ARNT: variants seen among roughly 807,000 people sequenced by gnomAD.
ARNT encodes class E basic helix-loop-helix protein 2.
Under a neutral mutation model 105.0 loss-of-function variants are expected in ARNT, and 30 were observed. That is an observed-to-expected ratio of 0.29 (90% CI 0.21 to 0.39). ARNT has a LOEUF of 0.39. Among genes scored for constraint, ARNT ranks in the 10% least tolerant of loss-of-function variants. The pLI is 1.00. For synonymous variants in ARNT, 304 were observed against 344.0 expected (o/e 0.88, Z 1.29); for missense variants, 748 against 978.7 (o/e 0.76, Z 3.15).
intron 1 of ARNT, among the ~76,000 whole-genome samples, chr1:150,871,294 G>T (rs1349024123): frequency 2.1e-5 from 2 of 94,622 alleles, no homozygotes; most frequent in Non-Finnish European, 4.1e-5. Context: ...GGCAGTCGTG[G>T]TTTTTTTTTT....
intron 1 of ARNT, among the ~76,000 whole-genome samples, chr1:150,860,481 G>T (rs587629750): frequency 6.6e-6 from 1 of 151,178 alleles, no homozygotes; most frequent in South Asian, 2.1e-4. Flanking sequence ...CTCCCAAAAT[G>T]CTAGGATTAC....
intron 8 of ARNT, 121 bp from the exon 9 acceptor site, chr1:150,832,520 A>C (rs1659529674): frequency 1.1e-6 from 1 of 901,914 alleles, no homozygotes. Context: ...TAATGCTACT[A>C]ATAATGAAGG....
chr1:150,826,750 T>C, intron 12 of ARNT, 133 bp from the exon 13 acceptor site: 1 of 576,670 alleles, frequency 1.7e-6, no homozygotes, highest in Non-Finnish European at 3.1e-6. Flanking sequence ...GTTCAAGCAA[T>C]TTTCCTGTCT....
rs777963072 is a variant in ARNT at position 150,814,126 on chromosome 1, C to T, written c.2064G>A (p.Ser688=). 25 of 1,614,090 alleles carry T rather than the reference C, an allele frequency of 1.5e-5. No individual in the cohort carries two copies. Among genetic ancestry groups the T allele is most frequent in the African/African-American group, 4.0e-5 (3 of 75,002 alleles). The change falls in exon 20 of 22, where the codon TCG becomes TCA. Residue 688 remains serine (S), a synonymous_variant. Transcript: ENST00000358595. Reference sequence around the variant, plus strand: ...GACTAGGGTAGGCAGCAGCACCAGGCGATGCAGTTGGGGCACCAGGGAGGG... The same window carrying T: ...GACTAGGGTAGGCAGCAGCACCAGGTGATGCAGTTGGGGCACCAGGGAGGG... ...SMSLPGAPTA[S]PGAAAYPSLT...
Position 150,814,142 on chromosome 1 carries a change from C to A in ARNT, c.2048G>T (p.Gly683Val). The A allele has an allele frequency of 6.2e-7, 1 of 1,614,070 alleles. No individual in the cohort carries two copies. The highest frequency in any genetic ancestry group is 1.3e-5 in the African/African-American group (1 of 74,986). ...PSSFSSMSLP[G>V]APTASPGAAA... ...AGCACCAGGCGATGCAGTTGGGGCA[C>A]CAGGGAGGGACATGGAGCTGAAGGA... is the stretch of plus-strand genomic sequence containing the variant. The change falls in exon 20 of 22, where the codon GGT (glycine) becomes GTT (valine). Residue 683 changes from glycine (G) to valine (V), a missense_variant. Gly to Val is a moderately radical substitution (Grantham distance 109). Coordinates refer to ENST00000358595, the MANE Select transcript of ARNT (RefSeq NM_001668.4).
intron 1 of ARNT, among the ~76,000 whole-genome samples, chr1:150,863,988 TACAC>T (rs1666109536): frequency 6.6e-6 from 1 of 152,106 alleles, no homozygotes; most frequent in Non-Finnish European, 1.5e-5. Flanking sequence ...TGAGTATACT[TACAC>T]AAATCTAGAT....
chr1:150,820,539 C>G (rs1656829102), intron 14 of ARNT, among the ~76,000 whole-genome samples: 1 of 152,112 alleles, frequency 6.6e-6, no homozygotes, highest in South Asian at 2.1e-4. Context: ...TGTCTGTAGT[C>G]CCAGCTACTC....
intron 7 of ARNT, among the ~76,000 whole-genome samples, chr1:150,835,764 C>A (rs966757043): frequency 2.6e-5 from 4 of 151,962 alleles, no homozygotes; most frequent in African/African-American, 9.7e-5. Context: ...TAGCCAAACT[C>A]TGGCCAAAAG....
chr1:150,827,459 T>C (rs1001745644), intron 12 of ARNT, among the ~76,000 whole-genome samples: 13 of 152,234 alleles, frequency 8.5e-5, no homozygotes, highest in African/African-American at 3.1e-4. Flanking sequence ...CTTCTTTCAT[T>C]GAGCATGGTA....
chr1:150,876,240 A>G (rs1406738923), intron 1 of ARNT, among the ~76,000 whole-genome samples: 1 of 152,174 alleles, frequency 6.6e-6, no homozygotes, highest in African/African-American at 2.4e-5. Flanking sequence ...ATCACAGACC[A>G]GACGCCGACC....
In ARNT at chr1:150,813,194, G is replaced by C; in HGVS notation, c.2258C>G (p.Pro753Arg). Residue 753 changes from proline (P) to arginine (R), a missense_variant, in exon 21 of 22, where the codon CCT becomes CGT. Pro to Arg is a moderately radical substitution (Grantham distance 103, BLOSUM62 -2). Transcript: ENST00000358595. The stretch of plus-strand genomic sequence containing the variant: ...TACCTGGAAGACCTCAGGCTGGCCA[G>C]GTTGCTGTGCTGGCGGTTGTTGAAC... The part of the protein sequence containing the change: ...QHVQQPPAQQ[P>R]GQPEVFQEML... The C allele has an allele frequency of 1.2e-6, 2 of 1,613,436 alleles. No individual in the cohort carries two copies. The highest frequency in any genetic ancestry group is 1.7e-6 in the Non-Finnish European group (2 of 1,179,744).
intron 1 of ARNT, among the ~76,000 whole-genome samples, chr1:150,876,140 C>G (rs587721425): frequency 5.9e-5 from 9 of 152,336 alleles, no homozygotes; most frequent in Non-Finnish European, 2.9e-5. Context: ...GTTTATGAAT[C>G]CAAACTACTC....
chr1:150,829,460 G>A (rs1658921075), intron 11 of ARNT: 1 of 601,394 alleles, frequency 1.7e-6, no homozygotes. Context: ...TAAGAATAAA[G>A]TTTATTCAAT....
chr1:150,826,803 C>A (rs587682270), intron 12 of ARNT, among the ~76,000 whole-genome samples, 186 bp from the exon 13 acceptor site: 1 of 152,114 alleles, frequency 6.6e-6, no homozygotes, highest in South Asian at 2.1e-4. Context: ...TGCTACCACA[C>A]CTGGCTAATT....
rs1654454194 is a variant in ARNT at position 150,810,089 on chromosome 1, A to C, written c.*1932T>G. On this transcript the variant is annotated 3_prime_UTR_variant, in exon 22 of 22. Transcript: ENST00000358595. The stretch of plus-strand genomic sequence containing the variant: ...GCCGCAATCAAGATCACACAACACA[A>C]GAAATTTTACAAAAGGAAAAAATAT... 1 of 230,606 alleles carries C rather than the reference A, an allele frequency of 4.3e-6. No homozygotes were observed. The highest frequency in any genetic ancestry group is 8.6e-6 in the Non-Finnish European group (1 of 116,104). The allele number at this position is 230,606 out of a possible 1,614,324, so 14.3% of individuals were successfully genotyped here.
chr1:150,817,873 ACCC>A (rs768218887), intron 15 of ARNT, 44 bp downstream of exon 15: 1 of 1,447,810 alleles, frequency 6.9e-7, no homozygotes, highest in Non-Finnish European at 9.4e-7. Context: ...GCAAATGACC[ACCC>A]CCTGGGTGAC....
chr1:150,815,245 G>T (rs992508505), intron 19 of ARNT, among the ~76,000 whole-genome samples: 2 of 151,896 alleles, frequency 1.3e-5, no homozygotes, highest in African/African-American at 4.8e-5. Context: ...TTATATATAT[G>T]AATATTATAA....
rs1654474410 is a variant in ARNT, at chr1:150,810,186, A to C, written c.*1835T>G. The C allele has an allele frequency of 8.6e-6, 2 of 232,888 alleles. No homozygotes were observed. Among genetic ancestry groups the C allele is most frequent in the Non-Finnish European group, 1.7e-5 (2 of 117,476 alleles). 14.4% of individuals were successfully genotyped at this position (232,888 alleles called of 1,614,324 possible). A position where few individuals can be genotyped will look rare whatever the true frequency, so the allele number is the denominator to read the frequency against. Reference sequence around the variant, plus strand: ...AGCTTAGCACAGATGCCAGCAATACAGAAATGGCCAACAAGAAAACAAAAC... The same window carrying C: ...AGCTTAGCACAGATGCCAGCAATACCGAAATGGCCAACAAGAAAACAAAAC... On this transcript the variant is annotated 3_prime_UTR_variant, in exon 22 of 22. Transcript: ENST00000358595.
chr1:150,822,066 T>C (rs892641066), intron 14 of ARNT, among the ~76,000 whole-genome samples: 5 of 152,070 alleles, frequency 3.3e-5, no homozygotes, highest in African/African-American at 9.7e-5. Flanking sequence ...AGAATTTATA[T>C]ATATTTAATA....
Sources: gnomAD v4.1 joint callset for allele counts (sites outside exome capture counted in the v4.1 genomes callset) on GRCh38, gnomAD v4.1.1 for gene constraint, MANE v1.5 for transcripts, NCBI Gene and HGNC (gene_info 2026-07-23, HGNC 2026-07-21) for gene names.